The following PCSK6 variants were observed in gnomAD, a reference collection of about 807,000 sequenced individuals.
The protein encoded by PCSK6 is paired basic amino acid cleaving enzyme 4.
A neutral mutation model predicts 123.3 loss-of-function variants in PCSK6; 85 were observed. That is an observed-to-expected ratio of 0.69 (90% CI 0.58 to 0.83). The LOEUF is 0.83. PCSK6 is among the 40% of genes least tolerant of loss of function. PCSK6 has a pLI of 0.00. For synonymous variants in PCSK6, 508 were observed against 516.0 expected (o/e 0.98, Z 0.21); for missense variants, 1,191 against 1,282.3 (o/e 0.93, Z 1.09).
In PCSK6 at chr15:101,477,610, G is replaced by C. The variant is rs538917993; in HGVS notation, c.297+11764C>G. 7.9e-5 allele frequency among the ~76,000 whole-genome samples: 12 copies of C among 152,266 alleles called. No individual in the cohort carries two copies. The South Asian group carries it at 2.5e-3, about 32-fold the overall frequency. On this transcript the variant is annotated intron_variant, in intron 1 of 21. Coordinates refer to ENST00000611716, the MANE Select transcript of PCSK6 (RefSeq NM_002570.5). Reference sequence around the variant, plus strand: ...TATGGGTGATTTTTATGGTTTTCTTGTTCTTTTCTGTATTGCAAAAATATT... The same window carrying C: ...TATGGGTGATTTTTATGGTTTTCTTCTTCTTTTCTGTATTGCAAAAATATT...
At chr15:101,339,616 C>A (rs2040554471) in intron 13 of PCSK6, among the ~76,000 whole-genome samples, 1 of 152,092 alleles carries the variant, frequency 6.6e-6, no homozygotes, top group Admixed American at 6.6e-5. Flanking sequence ...ATTAAAAATA[C>A]CGTGTAGGGG....
rs10666147 is a variant in PCSK6 at position 101,409,584 on chromosome 15, C to CAAAAA, written c.824-11013_824-11009dup. On this transcript the variant is annotated intron_variant, in intron 6 of 21. Coordinates refer to ENST00000611716, the MANE Select transcript of PCSK6 (RefSeq NM_002570.5). Reference sequence around the variant, plus strand: ...TGGGCGACAGAGTAAGACTCCGTCTCAAAAAAAAAAAAAAAATGCAGGGAA... The same window carrying CAAAAA: ...TGGGCGACAGAGTAAGACTCCGTCTCAAAAAAAAAAAAAAAAAAAAATGCAGGGAA... 5.8e-4 allele frequency among the ~76,000 whole-genome samples: 71 copies of CAAAAA among 121,794 alleles called. 2 individuals carry two copies. The highest frequency in any genetic ancestry group is 4.8e-3 in the Middle Eastern group (1 of 210). 79.9% of individuals were successfully genotyped at this position (121,794 alleles called of 152,430 possible).
intron 1 of PCSK6, among the ~76,000 whole-genome samples, chr15:101,474,731 T>C (rs973029750): frequency 2.0e-5 from 3 of 152,128 alleles, no homozygotes; most frequent in African/African-American, 7.2e-5. Context: ...CCCAGGCCAA[T>C]GGAGGCACCA....
intron 6 of PCSK6, among the ~76,000 whole-genome samples, chr15:101,425,770 G>A (rs927191740): frequency 6.6e-6 from 1 of 152,154 alleles, no homozygotes; most frequent in African/African-American, 2.4e-5. Context: ...CTCGGGAAAC[G>A]TAGGGAAAGA....
chr15:101,332,039 G>A lies in PCSK6; in HGVS notation c.1859-8C>T. 1 of 1,582,240 alleles carries A rather than the reference G, an allele frequency of 6.3e-7. No homozygotes were observed. On this transcript the variant is annotated splice_region_variant and splice_polypyrimidine_tract_variant and intron_variant, in intron 13 of 21. Transcript: ENST00000611716. The stretch of plus-strand genomic sequence containing the variant: ...TCCATTCTTTCAACTTCCCTGGAAG[G>A]CACCAAACCCACAGAGTTACCTGCC...
chr15:101,439,046 C>G (rs2056683361), intron 2 of PCSK6, among the ~76,000 whole-genome samples: 1 of 152,122 alleles, frequency 6.6e-6, no homozygotes, highest in Non-Finnish European at 1.5e-5. Context: ...AGGTGACTGG[C>G]CGGGGCAAGG....
At chr15:101,376,084 C>A (rs535782332) in intron 11 of PCSK6, among the ~76,000 whole-genome samples, 3 of 152,128 alleles carry the variant, frequency 2.0e-5, no homozygotes, top group African/African-American at 7.2e-5. Flanking sequence ...ACATTTTTCA[C>A]ATTTTTGTGC....
intron 9 of PCSK6, among the ~76,000 whole-genome samples, chr15:101,388,035 G>A (rs1441851010): frequency 1.3e-5 from 2 of 152,204 alleles, no homozygotes; most frequent in Non-Finnish European, 2.9e-5. Flanking sequence ...CACTGACCAA[G>A]TTTAAGGGGA....
intron 16 of PCSK6, among the ~76,000 whole-genome samples, chr15:101,325,526 C>T (rs2040233457): frequency 6.6e-6 from 1 of 152,212 alleles, no homozygotes; most frequent in Non-Finnish European, 1.5e-5. Context: ...GTGCCTGAGC[C>T]CTCATGGGTG....
chr15:101,306,821 C>A (rs1214510287), intron 21 of PCSK6, among the ~76,000 whole-genome samples: 1 of 152,244 alleles, frequency 6.6e-6, no homozygotes, highest in East Asian at 1.9e-4. Context: ...CCCCCTCGTC[C>A]TGAGCAGAGA....
In PCSK6 at chr15:101,393,211, C is replaced by A. The variant is rs746750231; in HGVS notation, c.1209+1G>T. The A allele has an allele frequency of 2.5e-6, 4 of 1,611,016 alleles. No homozygotes were observed. In the South Asian group the frequency reaches 3.3e-5, roughly 13 times the overall value. ...CACTCCAACTTGCCAAGAGAACTTACGATTTTTCGCTCATAAAAGGCCCCA... is the reference window on the plus strand; with the variant it reads ...CACTCCAACTTGCCAAGAGAACTTAAGATTTTTCGCTCATAAAAGGCCCCA... On this transcript the variant is annotated splice_donor_variant, in intron 8 of 21. Transcript: ENST00000611716. LOFTEE classifies it high-confidence loss of function.
In PCSK6 at chr15:101,430,146, T is replaced by C. The variant is rs151090000; in HGVS notation, c.658-83A>G. On this transcript the variant is annotated intron_variant, in intron 4 of 21. Transcript: ENST00000611716. ...ATGGATTTTATGTTCCGTTGGCAAATAGAGAAACCACACGCGGGGCTCCTC... is the reference window on the plus strand; with the variant it reads ...ATGGATTTTATGTTCCGTTGGCAAACAGAGAAACCACACGCGGGGCTCCTC... The C allele has an allele frequency of 1.4e-3, 1,494 of 1,056,426 alleles. 24 individuals are homozygous for C. The East Asian group carries it at 0.031, about 22-fold the overall frequency. The allele number at this position is 1,056,426 out of a possible 1,614,324, so 65.4% of individuals were successfully genotyped here. A position where few individuals can be genotyped will look rare whatever the true frequency, so the allele number is the denominator to read the frequency against.
At chr15:101,468,812 A>G (rs2057529662) in intron 1 of PCSK6, among the ~76,000 whole-genome samples, 1 of 152,248 alleles carries the variant, frequency 6.6e-6, no homozygotes, top group Non-Finnish European at 1.5e-5. Flanking sequence ...GCAAGGAGAC[A>G]GACCTCACAT....
At chr15:101,452,211 A>G (rs2057053400) in intron 1 of PCSK6, among the ~76,000 whole-genome samples, 1 of 152,118 alleles carries the variant, frequency 6.6e-6, no homozygotes, top group African/African-American at 2.4e-5. Context: ...AGCAAACTTC[A>G]TTTTTCTCTT....
chr15:101,332,970 AT>A (rs2040401254), intron 13 of PCSK6, among the ~76,000 whole-genome samples: 1 of 152,232 alleles, frequency 6.6e-6, no homozygotes, highest in South Asian at 2.1e-4. Flanking sequence ...TGGAAGCCAG[AT>A]GCATTCAGTA....
chr15:101,484,596 G>A (rs28682274), intron 1 of PCSK6, among the ~76,000 whole-genome samples: 5,429 of 152,058 alleles, frequency 0.036, 328 homozygotes, highest in African/African-American at 0.12. Context: ...TCACCATGTT[G>A]GCCAGGCTGG....
chr15:101,421,721 G>T (rs1191192691), intron 6 of PCSK6, among the ~76,000 whole-genome samples: 3 of 152,190 alleles, frequency 2.0e-5, no homozygotes, highest in African/African-American at 7.2e-5. Context: ...CCAACAGCTT[G>T]ACTGGAACTT....
rs147724848 is a variant in PCSK6 at position 101,314,394 on chromosome 15, C to T, written c.2570-889G>A. Among the ~76,000 whole-genome samples the T allele has an allele frequency of 3.6e-3, 547 of 152,280 alleles. 2 individuals are homozygous for T. The highest frequency in any genetic ancestry group is 0.024 in the Middle Eastern group (7 of 294). Reference sequence around the variant, plus strand: ...CAGTGAAGTAGTCACTGACTGACAGCGGAGAGGGTTACAGGCAGGGAGGAG... The same window carrying T: ...CAGTGAAGTAGTCACTGACTGACAGTGGAGAGGGTTACAGGCAGGGAGGAG... On this transcript the variant is annotated intron_variant, in intron 19 of 21. Coordinates refer to ENST00000611716, the MANE Select transcript of PCSK6 (RefSeq NM_002570.5).
At chr15:101,457,726 T>C (rs1439183727) in intron 1 of PCSK6, among the ~76,000 whole-genome samples, 1 of 152,188 alleles carries the variant, frequency 6.6e-6, no homozygotes, top group Non-Finnish European at 1.5e-5. Flanking sequence ...GCCGAGGAGC[T>C]GTGCCGGGGA....
Sources: allele counts gnomAD v4.1 joint callset (sites outside exome capture counted in the v4.1 genomes callset), GRCh38; gene constraint gnomAD v4.1.1; transcripts MANE v1.5; gene names NCBI Gene and HGNC (gene_info 2026-07-23, HGNC 2026-07-21).